The following DCUN1D1 variants were observed in gnomAD, a reference collection of about 807,000 sequenced individuals.
DCUN1D1 encodes defective in cullin neddylation 1 domain containing 1.
In DCUN1D1, 3 loss-of-function variants were observed where a neutral mutation model predicts 39.0. The ratio of observed to expected loss-of-function variants is 0.08; its 90% CI spans 0.04 to 0.20. The LOEUF is 0.20. Ranked by LOEUF, DCUN1D1 falls within the 10% of genes least tolerant of loss-of-function variation. The pLI is 1.00. For missense variants in DCUN1D1, 158 were observed against 302.4 expected (o/e 0.52, Z 3.54); for synonymous variants, 82 against 96.3 (o/e 0.85, Z 0.87).
intron 4 of DCUN1D1, among the ~76,000 whole-genome samples, chr3:182,951,837 C>T (rs995130255): frequency 6.6e-6 from 1 of 151,670 alleles, no homozygotes; most frequent in East Asian, 2.0e-4. Flanking sequence ...GCTGGGACTA[C>T]AGGCATGAGC....
At chr3:182,960,492 C>T (rs948091798) in intron 4 of DCUN1D1, among the ~76,000 whole-genome samples, 3 of 152,164 alleles carry the variant, frequency 2.0e-5, no homozygotes, top group African/African-American at 4.8e-5. Flanking sequence ...TATCTTCCCT[C>T]GTTCAGCCAA....
At chr3:182,956,116 T>C (rs765542610) in intron 4 of DCUN1D1, 46 of 174,370 alleles carry the variant, frequency 2.6e-4, no homozygotes, top group South Asian at 3.7e-4. Context: ...TTAGTAGAGA[T>C]AGAGTTTCAC....
chr3:182,965,330 G>C (rs993473845), intron 2 of DCUN1D1, among the ~76,000 whole-genome samples: 1 of 152,244 alleles, frequency 6.6e-6, no homozygotes, highest in Non-Finnish European at 1.5e-5. Context: ...TTGCACAATG[G>C]GGGAGGAAAA....
At chr3:182,947,368 T>C (rs1726467409) in intron 5 of DCUN1D1, 34 bp from the exon 6 acceptor site, 1 of 1,438,190 alleles carries the variant, frequency 7.0e-7, no homozygotes, top group Admixed American at 2.1e-5. Context: ...TACATTTGTA[T>C]CACTAAAAAG....
rs1327471785 is a variant in DCUN1D1 at position 182,941,275 on chromosome 3, CTAT to C, written c.*3816_*3818del. 5 of 152,058 alleles carry C rather than the reference CTAT, an allele frequency of 3.3e-5. No homozygotes were observed. Among genetic ancestry groups the C allele is most frequent in the Admixed American group, 1.3e-4 (2 of 15,246 alleles). 9.4% of individuals were successfully genotyped at this position (152,058 alleles called of 1,614,324 possible). On this transcript the variant is annotated 3_prime_UTR_variant, in exon 7 of 7. Transcript: ENST00000292782. The stretch of plus-strand genomic sequence containing the variant: ...ATAAACCTGGAAAAGGGCATTTGTA[CTAT>C]TAGGAACTTTCTCATTTATCTTAAC...
At chr3:182,961,530 C>A (rs1348283434) in intron 3 of DCUN1D1, among the ~76,000 whole-genome samples, 174 bp from the exon 4 acceptor site, 1 of 151,978 alleles carries the variant, frequency 6.6e-6, no homozygotes, top group East Asian at 1.9e-4. Context: ...GGGTTAGCTG[C>A]GGGAAGAAGA....
intron 4 of DCUN1D1, among the ~76,000 whole-genome samples, chr3:182,950,156 C>CA (rs1553839447): frequency 1.3e-5 from 2 of 149,596 alleles, no homozygotes; most frequent in Non-Finnish European, 3.0e-5. Context: ...TATCACTTAT[C>CA]TTTTTTTTTT....
chr3:182,973,252 G>A (rs1728041342), intron 1 of DCUN1D1, among the ~76,000 whole-genome samples: 1 of 152,140 alleles, frequency 6.6e-6, no homozygotes, highest in South Asian at 2.1e-4. Flanking sequence ...GAATAAGATG[G>A]ACAAAGGGAT....
chr3:182,980,134 G>A, intron 1 of DCUN1D1: 1 of 932,474 alleles, frequency 1.1e-6, no homozygotes, highest in South Asian at 4.9e-5. Context: ...AGGGGCAGGG[G>A]CAAGGCCGTT....
chr3:182,980,475 G>A lies in DCUN1D1; in HGVS notation c.3+12C>T, dbSNP rs754268431. On this transcript the variant is annotated intron_variant, in intron 1 of 6. Coordinates refer to ENST00000292782, the MANE Select transcript of DCUN1D1 (RefSeq NM_020640.4). The stretch of plus-strand genomic sequence containing the variant: ...CAGCCGGCAGGGCGGGCGGGCGGCC[G>A]CAGTGCCTCACCATGTTGGTGTCCT... 1.8e-5 allele frequency: 21 copies of A among 1,195,358 alleles called. No individual in the cohort carries two copies. The highest frequency in any genetic ancestry group is 2.2e-5 in the Non-Finnish European group (21 of 948,744). The allele number at this position is 1,195,358 out of a possible 1,614,324, so 74.0% of individuals were successfully genotyped here. A position where few individuals can be genotyped will look rare whatever the true frequency, so the allele number is the denominator to read the frequency against.
intron 4 of DCUN1D1, among the ~76,000 whole-genome samples, chr3:182,959,373 C>T (rs1184498100): frequency 6.6e-6 from 1 of 151,984 alleles, no homozygotes; most frequent in Non-Finnish European, 1.5e-5. Flanking sequence ...ACCTTTCCGT[C>T]ACTTCCTCAA....
intron 1 of DCUN1D1, among the ~76,000 whole-genome samples, chr3:182,968,965 G>A (rs1727804625): frequency 6.6e-6 from 1 of 152,126 alleles, no homozygotes; most frequent in African/African-American, 2.4e-5. Flanking sequence ...CAACATATTT[G>A]AAGAAACAGG....
intron 1 of DCUN1D1, among the ~76,000 whole-genome samples, chr3:182,977,224 C>T (rs1054958127): frequency 2.0e-5 from 3 of 152,180 alleles, no homozygotes; most frequent in Non-Finnish European, 4.4e-5. Flanking sequence ...ATCCTGCAAA[C>T]CTGAACCTCA....
chr3:182,947,055 C>T (rs1352903292), intron 6 of DCUN1D1, among the ~76,000 whole-genome samples, 183 bp downstream of exon 6: 2 of 152,096 alleles, frequency 1.3e-5, no homozygotes, highest in Non-Finnish European at 2.9e-5. Context: ...ATAAGCCATG[C>T]TTGCACCAAT....
chr3:182,969,195 A>C (rs969520452), intron 1 of DCUN1D1, among the ~76,000 whole-genome samples: 1 of 152,338 alleles, frequency 6.6e-6, no homozygotes, highest in African/African-American at 2.4e-5. Flanking sequence ...CTACTAAGGG[A>C]ATTCAATTCT....
intron 4 of DCUN1D1, among the ~76,000 whole-genome samples, chr3:182,960,741 CA>C (rs1424335634): frequency 6.6e-6 from 1 of 152,186 alleles, no homozygotes; most frequent in Non-Finnish European, 1.5e-5. Context: ...TAAACTTTTA[CA>C]GTGGTTATTT....
intron 4 of DCUN1D1, 125 bp from the exon 5 acceptor site, chr3:182,947,757 A>C: frequency 1.7e-6 from 1 of 580,372 alleles, no homozygotes; most frequent in Non-Finnish European, 3.0e-6. Flanking sequence ...TGTATCCTGA[A>C]TACTTATGTA....
chr3:182,946,954 T>G (rs1726441568), intron 6 of DCUN1D1, among the ~76,000 whole-genome samples: 1 of 151,934 alleles, frequency 6.6e-6, no homozygotes, highest in African/African-American at 2.4e-5. Context: ...ATTAAGAAAT[T>G]AGTCAGGCAT....
rs200558010 is a variant in DCUN1D1, at chr3:182,963,924, C to T, written c.346G>A (p.Glu116Lys). The change falls in exon 3 of 7, where the codon GAG becomes AAG. Residue 116 changes from glutamate to lysine, a missense_variant. Physicochemically the swap from Glu to Lys is moderately conservative, Grantham distance 56 (BLOSUM62 1). Coordinates refer to ENST00000292782, the MANE Select transcript of DCUN1D1 (RefSeq NM_020640.4). ...TCCATGAACTCCTGTTTGGAGAACT[C>T]GCACTGTGTTGCTGCTCTGAACTTC... ...AWKFRAATQC[E>K]FSKQEFMDGM... 1.9e-6 allele frequency: 3 copies of T among 1,613,194 alleles called. No homozygotes were observed. Among genetic ancestry groups the T allele is most frequent in the Non-Finnish European group, 2.5e-6 (3 of 1,179,488 alleles).
Sources: allele counts gnomAD v4.1 joint callset (sites outside exome capture counted in the v4.1 genomes callset), GRCh38; gene constraint gnomAD v4.1.1; transcripts MANE v1.5; gene names NCBI Gene and HGNC (gene_info 2026-07-23, HGNC 2026-07-21).